TTC17: variants seen among roughly 807,000 people sequenced by gnomAD.
TTC17 encodes the protein tetratricopeptide repeat protein 17.
A neutral mutation model predicts 143.8 loss-of-function variants in TTC17; 58 were observed. The observed-to-expected ratio is 0.40, with a 90% CI of 0.33 to 0.50. TTC17 has a LOEUF of 0.50. Ranked by LOEUF, TTC17 falls within the 20% of genes least tolerant of loss-of-function variation. TTC17 has a pLI of 0.49. For missense variants in TTC17, 1,273 were observed against 1,392.5 expected (o/e 0.91, Z 1.37); for synonymous variants, 501 against 497.8 (o/e 1.01, Z -0.09).
At chr11:43,455,509 CA>C (rs1947746280) in intron 21 of TTC17, among the ~76,000 whole-genome samples, 2 of 151,940 alleles carry the variant, frequency 1.3e-5, no homozygotes, top group Admixed American at 6.6e-5. Context: ...ATTCGAAAGG[CA>C]GGGGGACATG....
Position 43,404,018 on chromosome 11 carries a change from C to T in TTC17, c.1353C>T (p.Thr451=). The T allele has an allele frequency of 6.2e-7, 1 of 1,608,206 alleles. No individual in the cohort carries two copies. The highest frequency in any genetic ancestry group is 8.5e-7 in the Non-Finnish European group (1 of 1,177,730). ...DYVQFGEDSS[T]SSMMSVNFDV... ...TCTAGTTTGGTGAGGATTCATCAAC[C>T]TCCAGTATGATGTCTGTGAACTTTG... Residue 451 remains threonine, a synonymous_variant, in exon 11 of 24, where the codon ACC becomes ACT. Transcript: ENST00000039989.
At chr11:43,396,839 G>T (rs1303952334) in intron 6 of TTC17, 21 bp downstream of exon 6, 1 of 1,510,092 alleles carries the variant, frequency 6.6e-7, no homozygotes, top group Non-Finnish European at 9.1e-7. Flanking sequence ...TCCTCTTCTG[G>T]ACCTGATTTT....
chr11:43,382,177 C>A (rs1236633751), intron 2 of TTC17, among the ~76,000 whole-genome samples: 2 of 152,144 alleles, frequency 1.3e-5, no homozygotes, highest in Non-Finnish European at 2.9e-5. Flanking sequence ...ATTTTATATT[C>A]TTTTAAACTA....
intron 2 of TTC17, among the ~76,000 whole-genome samples, chr11:43,382,148 G>T (rs771905848): frequency 6.6e-6 from 1 of 152,122 alleles, no homozygotes; most frequent in Non-Finnish European, 1.5e-5. Context: ...AAGGGTAAGG[G>T]AAAATCAATT....
chr11:43,444,372 C>A, intron 18 of TTC17, 163 bp downstream of exon 18: 2 of 597,990 alleles, frequency 3.3e-6, no homozygotes, highest in Non-Finnish European at 2.6e-6. Flanking sequence ...AAAAAATGTT[C>A]AAACTCTAAA....
At chr11:43,491,748 A>G (rs1052566832) in intron 22 of TTC17, 3 of 416,604 alleles carry the variant, frequency 7.2e-6, no homozygotes, top group East Asian at 8.8e-5. Context: ...GAAACCAACT[A>G]CATTATTCAG....
At chr11:43,385,693 A>G (rs953207934) in intron 2 of TTC17, 16 of 151,500 alleles carry the variant, frequency 1.1e-4, no homozygotes, top group Non-Finnish European at 1.8e-4. Flanking sequence ...ACAGGACAGC[A>G]TAGCAAGAGC....
chr11:43,383,412 C>T (rs1048493510), intron 2 of TTC17, among the ~76,000 whole-genome samples: 5 of 152,118 alleles, frequency 3.3e-5, no homozygotes, highest in Non-Finnish European at 5.9e-5. Context: ...GGTGCGATGG[C>T]GCAATCTCAG....
At chr11:43,363,850 CAT>C (rs921285257) in intron 1 of TTC17, among the ~76,000 whole-genome samples, 6 of 152,018 alleles carry the variant, frequency 3.9e-5, no homozygotes, top group Non-Finnish European at 7.4e-5. Flanking sequence ...TACAAAGAAA[CAT>C]AAAAGCAAAA....
rs965221259 is a variant in TTC17, at chr11:43,448,415, C to G, written c.2786+293C>G. Among the ~76,000 whole-genome samples the G allele has an allele frequency of 5.1e-4, 78 of 152,246 alleles. 1 individual carries two copies. Among genetic ancestry groups the G allele is most frequent in the Middle Eastern group, 3.4e-3 (1 of 294 alleles). On this transcript the variant is annotated intron_variant, in intron 19 of 23. Transcript: ENST00000039989. ...GGATCCTCTCTATAGAAGCACAAAACCCATGGTTTGTCATGAATATCATGC... is the reference window on the plus strand; with the variant it reads ...GGATCCTCTCTATAGAAGCACAAAAGCCATGGTTTGTCATGAATATCATGC...
chr11:43,446,496 C>A (rs1466161894), intron 18 of TTC17: 4 of 432,680 alleles, frequency 9.2e-6, no homozygotes, highest in Non-Finnish European at 1.2e-5. Context: ...AACAGGTGCT[C>A]AATAAATATT....
At chr11:43,444,730 C>CACAT (rs1379547171) in intron 18 of TTC17, among the ~76,000 whole-genome samples, 2 of 150,982 alleles carry the variant, frequency 1.3e-5, no homozygotes, top group East Asian at 3.9e-4. Flanking sequence ...CATACACACA[C>CACAT]ACACACACAC....
At chr11:43,427,306 G>A (rs2134667835) in intron 16 of TTC17, among the ~76,000 whole-genome samples, 1 of 152,280 alleles carries the variant, frequency 6.6e-6, no homozygotes, top group East Asian at 1.9e-4. Flanking sequence ...CTGTTTGTAT[G>A]CTTGTTCTGA....
intron 19 of TTC17, 137 bp downstream of exon 19, chr11:43,448,259 A>T: frequency 7.6e-7 from 1 of 1,318,470 alleles, no homozygotes; most frequent in African/African-American, 1.5e-5. Flanking sequence ...GACCATGCTG[A>T]CCATGGCCCC....
chr11:43,359,294 T>A (rs1855995353), intron 1 of TTC17, 181 bp downstream of exon 1: 11 of 725,986 alleles, frequency 1.5e-5, no homozygotes, highest in Non-Finnish European at 2.3e-5. Flanking sequence ...GCTCCCCACT[T>A]GTCTCCTGGT....
At chr11:43,443,669 G>A in intron 17 of TTC17, 85 bp downstream of exon 17, 1 of 1,505,486 alleles carries the variant, frequency 6.6e-7, no homozygotes, top group Admixed American at 2.1e-5. Flanking sequence ...GTTTCTGTTG[G>A]ATATGTGGCA....
At position 43,401,533 on chromosome 11, in the gene TTC17, T is replaced by C. The variant is rs1374984666; in HGVS notation, c.1307T>C (p.Ile436Thr). 2.5e-6 allele frequency: 4 copies of C among 1,612,878 alleles called. No individual in the cohort carries two copies. Among genetic ancestry groups the C allele is most frequent in the African/African-American group, 1.3e-5 (1 of 75,020 alleles). ...CCTGTACGCTATCATCGTGGAGATATCTTTGAAAATGTGGACTATGTTCAG... is the reference window on the plus strand; with the variant it reads ...CCTGTACGCTATCATCGTGGAGATACCTTTGAAAATGTGGACTATGTTCAG... ...DQPVRYHRGD[I>T]FENVDYVQFG... Residue 436 changes from isoleucine to threonine, a missense_variant, in exon 10 of 24, where the codon ATC becomes ACC. Physicochemically the swap from Ile to Thr is moderately conservative, Grantham distance 89 (BLOSUM62 -1). This residue lies in a region of TTC17 where 878 missense variants were observed against 899.8 expected (regional missense o/e 0.98). Transcript: ENST00000039989.
intron 21 of TTC17, among the ~76,000 whole-genome samples, chr11:43,464,320 A>G (rs865945128): frequency 3.9e-5 from 6 of 152,198 alleles, no homozygotes; most frequent in Middle Eastern, 6.8e-3. Flanking sequence ...TCTACTACAC[A>G]CCAAGATAAA....
At chr11:43,399,665 A>G (rs1857764240) in intron 8 of TTC17, among the ~76,000 whole-genome samples, 1 of 152,204 alleles carries the variant, frequency 6.6e-6, no homozygotes, top group Non-Finnish European at 1.5e-5. Context: ...CCTTGACAAC[A>G]GAGCAAGACC....
Sources: gnomAD v4.1 joint callset for allele counts (sites outside exome capture counted in the v4.1 genomes callset) on GRCh38, gnomAD v4.1.1 for gene constraint, gnomAD v4.1.1 regional missense constraint, MANE v1.5 for transcripts, NCBI Gene and HGNC (gene_info 2026-07-23, HGNC 2026-07-21) for gene names.